The following RNF228 variants were observed in gnomAD, a reference collection of about 807,000 sequenced individuals.
The protein encoded by RNF228 is ring finger protein 228.
At chr2:222,319,766 G>A in the RNF228 span, among the ~76,000 whole-genome samples, 1 of 146,576 alleles carries the variant, frequency 6.8e-6, no homozygotes, top group African/African-American at 2.5e-5. This position sits in a 1 kb window ranked among gnomAD's most constrained non-coding sequence, Gnocchi z 7.6. Context: ...CAGGCGCGGC[G>A]GCAGCGGCGG....
At chr2:222,319,865 C>G in the RNF228 span, among the ~76,000 whole-genome samples, 2 of 151,890 alleles carry the variant, frequency 1.3e-5, no homozygotes, top group Middle Eastern at 3.4e-3. This position sits in a 1 kb window ranked among gnomAD's most constrained non-coding sequence, Gnocchi z 7.6. Context: ...CGCGCCGGTC[C>G]GCGTCGAAGT....
the RNF228 span, among the ~76,000 whole-genome samples, chr2:222,314,240 G>A: frequency 5.7e-4 from 87 of 152,244 alleles, no homozygotes; most frequent in Admixed American, 1.4e-3. Flanking sequence ...ATTTCAGTCC[G>A]CTTAAGAGTA....
chr2:222,315,455 GAGTGGCC>G, the RNF228 span, among the ~76,000 whole-genome samples: 2 of 152,186 alleles, frequency 1.3e-5, no homozygotes, highest in Non-Finnish European at 2.9e-5. Context: ...ACTGGGAATA[GAGTGGCC>G]AGGGCAGACC....
At chr2:222,315,992 T>C in the RNF228 span, among the ~76,000 whole-genome samples, 16 of 152,182 alleles carry the variant, frequency 1.1e-4, no homozygotes, top group East Asian at 2.7e-3. Context: ...GTGACTCTAC[T>C]GGTAGTAGAG....
the RNF228 span, among the ~76,000 whole-genome samples, chr2:222,316,247 C>A: frequency 6.6e-6 from 1 of 152,122 alleles, no homozygotes; most frequent in East Asian, 1.9e-4. Context: ...CACTAGAAAC[C>A]AGACAGATAT....
the RNF228 span, among the ~76,000 whole-genome samples, chr2:222,317,033 C>T: frequency 5.9e-5 from 9 of 152,160 alleles, no homozygotes; most frequent in Non-Finnish European, 4.4e-5. Flanking sequence ...CAACAGATCT[C>T]ACTGGGCCTT....
At chr2:222,319,766 G>C in the RNF228 span, among the ~76,000 whole-genome samples, 1 of 146,576 alleles carries the variant, frequency 6.8e-6, no homozygotes, top group Non-Finnish European at 1.5e-5. This position sits in a 1 kb window ranked among gnomAD's most constrained non-coding sequence, Gnocchi z 7.6. Flanking sequence ...CAGGCGCGGC[G>C]GCAGCGGCGG....
At chr2:222,318,170 C>T in the RNF228 span, 2 of 152,212 alleles carry the variant, frequency 1.3e-5, no homozygotes, top group African/African-American at 2.4e-5. Context: ...CTTTAAGCTC[C>T]CTGAGTCTAG....
the RNF228 span, among the ~76,000 whole-genome samples, chr2:222,314,939 C>T: frequency 1.3e-5 from 2 of 152,200 alleles, no homozygotes; most frequent in East Asian, 1.9e-4. Context: ...TAAAATGTCA[C>T]ACAATGCAGA....
At chr2:222,316,055 GA>G in the RNF228 span, among the ~76,000 whole-genome samples, 3,203 of 150,522 alleles carry the variant, frequency 0.021, 107 homozygotes, top group African/African-American at 0.073. Context: ...CATGGGAAGG[GA>G]AAAAAAAATA....
chr2:222,320,078 C>T, the RNF228 span, among the ~76,000 whole-genome samples: 1 of 152,132 alleles, frequency 6.6e-6, no homozygotes, highest in Non-Finnish European at 1.5e-5. Flanking sequence ...CATGATCCGC[C>T]CCTCATCGGG....
chr2:222,319,998 T>A, the RNF228 span, among the ~76,000 whole-genome samples: 1 of 152,050 alleles, frequency 6.6e-6, no homozygotes, highest in Non-Finnish European at 1.5e-5. This position sits in a 1 kb window ranked among gnomAD's most constrained non-coding sequence, Gnocchi z 7.6. Flanking sequence ...CCCAGCTCCC[T>A]CCCGGCTCCC....
At chr2:222,319,071 C>A in the RNF228 span, 1 of 171,984 alleles carries the variant, frequency 5.8e-6, no homozygotes, top group Non-Finnish European at 1.2e-5. The surrounding 1 kb of genome is among the most constrained non-coding windows in gnomAD (Gnocchi z 7.6). Context: ...AGCCCGTGCC[C>A]TCGGGCCGCC....
chr2:222,317,763 C>A, the RNF228 span: 1 of 152,154 alleles, frequency 6.6e-6, no homozygotes, highest in African/African-American at 2.4e-5. Context: ...CGATATATAT[C>A]TTTTGTAGCC....
chr2:222,317,877 A>G, the RNF228 span: 2 of 152,232 alleles, frequency 1.3e-5, no homozygotes, highest in Non-Finnish European at 2.9e-5. Context: ...TAAAATATTG[A>G]ATCAATTACC....
chr2:222,319,569 G>A, the RNF228 span, among the ~76,000 whole-genome samples: 1 of 146,310 alleles, frequency 6.8e-6, no homozygotes, highest in African/African-American at 2.5e-5. The surrounding 1 kb of genome is among the most constrained non-coding windows in gnomAD (Gnocchi z 7.6). Flanking sequence ...CGCGGGCAGC[G>A]GCGGGAGGCG....
chr2:222,319,500 GA>G, the RNF228 span: 1 of 145,770 alleles, frequency 6.9e-6, no homozygotes, highest in Non-Finnish European at 1.5e-5. This position sits in a 1 kb window ranked among gnomAD's most constrained non-coding sequence, Gnocchi z 7.6. Context: ...TGGGGCGGGG[GA>G]GGGCGGCGGT....
At chr2:222,316,118 C>T in the RNF228 span, among the ~76,000 whole-genome samples, 1 of 152,232 alleles carries the variant, frequency 6.6e-6, no homozygotes, top group African/African-American at 2.4e-5. Context: ...TCAACAATTA[C>T]TTCTTAAACT....
chr2:222,315,132 T>C, the RNF228 span, among the ~76,000 whole-genome samples: 76 of 152,270 alleles, frequency 5.0e-4, 1 homozygote, highest in Middle Eastern at 0.01. Context: ...GGAAACTATT[T>C]ACCTAAGCCT....
Sources: allele counts gnomAD v4.1 joint callset (sites outside exome capture counted in the v4.1 genomes callset), GRCh38; gene constraint gnomAD v4.1.1; non-coding constraint Gnocchi (gnomAD v3.1); transcripts MANE v1.5; gene names NCBI Gene and HGNC (gene_info 2026-07-23, HGNC 2026-07-21).